RBFOX1: variants seen among roughly 807,000 people sequenced by gnomAD.
RBFOX1 encodes the protein RNA binding protein fox-1 homolog 1.
In RBFOX1, 8 loss-of-function variants were observed where a neutral mutation model predicts 57.7. That is an observed-to-expected ratio of 0.14 (90% CI 0.08 to 0.25). RBFOX1 has a LOEUF of 0.25. RBFOX1 is among the 10% of genes least tolerant of loss of function. The pLI, the probability that RBFOX1 is intolerant of heterozygous loss-of-function variation, is 1.00. For synonymous variants in RBFOX1, 326 were observed against 222.4 expected (o/e 1.47, Z -4.15); for missense variants, 611 against 548.5 (o/e 1.11, Z -1.14).
At chr16:7,609,549 A>G (rs541241606) in intron 10 of RBFOX1, among the ~76,000 whole-genome samples, 13 of 152,188 alleles carry the variant, frequency 8.5e-5, no homozygotes, top group Non-Finnish European at 1.8e-4. Flanking sequence ...TCATTAAGTT[A>G]GAGGAAAAGA....
chr16:6,786,136 C>G (rs375484275), intron 3 of RBFOX1, among the ~76,000 whole-genome samples: 1 of 152,124 alleles, frequency 6.6e-6, no homozygotes, highest in Non-Finnish European at 1.5e-5. Context: ...CTTTGGGTCC[C>G]CCTAAATGAA....
chr16:6,796,247 A>T (rs2084011323), intron 3 of RBFOX1, among the ~76,000 whole-genome samples: 1 of 152,134 alleles, frequency 6.6e-6, no homozygotes, highest in Non-Finnish European at 1.5e-5. Flanking sequence ...ACAGTGAAGG[A>T]AAGACCCACC....
At chr16:5,748,177 G>A (rs1169773219) in intron 3 of RBFOX1, among the ~76,000 whole-genome samples, 2 of 152,106 alleles carry the variant, frequency 1.3e-5, no homozygotes, top group Non-Finnish European at 2.9e-5. Context: ...CGATGTAGTT[G>A]AGTGGTTTTG....
At chr16:5,514,523 G>C (rs1474151868) in intron 2 of RBFOX1, among the ~76,000 whole-genome samples, 1 of 152,198 alleles carries the variant, frequency 6.6e-6, no homozygotes, top group Non-Finnish European at 1.5e-5. Flanking sequence ...AGCCATGAGT[G>C]ACAGGGCAGA....
intron 3 of RBFOX1, chr16:6,721,981 C>CTAAGGGCATGTATGTA (rs2066096409): frequency 6.5e-6 from 1 of 153,236 alleles, no homozygotes; most frequent in Non-Finnish European, 1.5e-5. Context: ...TAAGGTTCAT[C>CTAAGGGCATGTATGTA]TGTATTACAG....
At chr16:7,693,355 A>C in intron 14 of RBFOX1, 1 of 1,612,118 alleles carries the variant, frequency 6.2e-7, no homozygotes. Flanking sequence ...AATTTCTTGT[A>C]ACACCTCTGC....
chr16:6,452,191 C>T (rs904803791), intron 2 of RBFOX1, among the ~76,000 whole-genome samples: 2 of 150,588 alleles, frequency 1.3e-5, no homozygotes, highest in African/African-American at 2.5e-5. Context: ...TCCATGACTC[C>T]ACCCATGGCT....
intron 2 of RBFOX1, among the ~76,000 whole-genome samples, chr16:5,582,506 C>G (rs1228562833): frequency 6.7e-6 from 1 of 150,218 alleles, no homozygotes; most frequent in African/African-American, 2.5e-5. Context: ...AAAGCCAGAG[C>G]AGAGCTGGGA....
At chr16:7,475,155 A>G (rs1245249662) in intron 4 of RBFOX1, among the ~76,000 whole-genome samples, 2 of 152,034 alleles carry the variant, frequency 1.3e-5, no homozygotes, top group African/African-American at 2.4e-5. Context: ...TCACGTGGAG[A>G]CATCTCTGTT....
chr16:5,662,962 A>C (rs1191476534), intron 3 of RBFOX1, among the ~76,000 whole-genome samples: 1 of 152,212 alleles, frequency 6.6e-6, no homozygotes, highest in Admixed American at 6.5e-5. Flanking sequence ...CATGTTATCT[A>C]TGATTATCTG....
intron 2 of RBFOX1, among the ~76,000 whole-genome samples, chr16:6,570,235 A>G (rs558685674): frequency 1.3e-5 from 2 of 152,298 alleles, no homozygotes; most frequent in South Asian, 2.1e-4. Flanking sequence ...TATGAATTAT[A>G]CCCATTGTGT....
At chr16:7,325,168 C>G (rs1396448710) in intron 4 of RBFOX1, among the ~76,000 whole-genome samples, 1 of 152,188 alleles carries the variant, frequency 6.6e-6, no homozygotes, top group Admixed American at 6.5e-5. Context: ...CTATCAACAG[C>G]CATTTACTGA....
intron 1 of RBFOX1, among the ~76,000 whole-genome samples, chr16:5,346,657 G>A (rs2065146804): frequency 6.6e-6 from 1 of 152,202 alleles, no homozygotes; most frequent in South Asian, 2.1e-4. Context: ...ACAGGAGAGT[G>A]GAGTGTGCTG....
chr16:7,462,411 A>C (rs1426315231), intron 4 of RBFOX1, among the ~76,000 whole-genome samples: 4 of 152,180 alleles, frequency 2.6e-5, no homozygotes, highest in African/African-American at 9.7e-5. Context: ...GAATCACTTA[A>C]ACCCAGGAGG....
chr16:7,507,083 G>T (rs1183337551), intron 4 of RBFOX1, among the ~76,000 whole-genome samples: 5 of 152,252 alleles, frequency 3.3e-5, no homozygotes, highest in East Asian at 1.9e-4. Context: ...GTCACATAAA[G>T]GTTGAATGAC....
chr16:7,176,197 T>G (rs544964570), intron 4 of RBFOX1, among the ~76,000 whole-genome samples: 1 of 114,616 alleles, frequency 8.7e-6, no homozygotes, highest in East Asian at 3.7e-4. Flanking sequence ...CTTTGGTTAA[T>G]GAAACTGTAA....
chr16:6,231,229 TG>T (rs1158825742), intron 1 of RBFOX1, among the ~76,000 whole-genome samples: 5 of 96,236 alleles, frequency 5.2e-5, no homozygotes, highest in African/African-American at 1.6e-4. Flanking sequence ...TGTGTGTGTG[TG>T]TGTGTGTAGG....
chr16:6,060,475 G>T (rs1175599605), intron 1 of RBFOX1, among the ~76,000 whole-genome samples: 1 of 152,116 alleles, frequency 6.6e-6, no homozygotes. Flanking sequence ...ATAACCTTAT[G>T]AGACCTGCTC....
intron 3 of RBFOX1, among the ~76,000 whole-genome samples, chr16:5,685,467 C>T (rs2050476871): frequency 6.6e-6 from 1 of 152,192 alleles, no homozygotes; most frequent in Admixed American, 6.5e-5. Context: ...TTGATTTTGA[C>T]ATATTGTCCC....
Sources: allele counts gnomAD v4.1 joint callset (sites outside exome capture counted in the v4.1 genomes callset), GRCh38; gene constraint gnomAD v4.1.1; transcripts MANE v1.5; gene names NCBI Gene and HGNC (gene_info 2026-07-23, HGNC 2026-07-21).